Variants in ABLIM1 observed in about 807,000 individuals in gnomAD.
ABLIM1 encodes actin-binding LIM protein 1.
A neutral mutation model predicts 107.0 loss-of-function variants in ABLIM1; 40 were observed. The observed-to-expected ratio is 0.37, with a 90% CI of 0.29 to 0.49. The LOEUF (loss-of-function observed/expected upper bound fraction) is 0.49, where lower values mean the gene tolerates loss of function less well. ABLIM1 is among the 20% of genes least tolerant of loss of function. ABLIM1 has a pLI of 0.97. For missense variants in ABLIM1, 857 were observed against 1,008.5 expected (o/e 0.85, Z 2.04); for synonymous variants, 357 against 357.3 (o/e 1.00, Z 0.01).
At chr10:114,460,645 G>C (rs939457129) in intron 12 of ABLIM1, among the ~76,000 whole-genome samples, 2 of 152,320 alleles carry the variant, frequency 1.3e-5, no homozygotes, top group African/African-American at 4.8e-5. Flanking sequence ...TGCTGACCAA[G>C]GTGGGTGTGC....
the ABLIM1 span, among the ~76,000 whole-genome samples, chr10:114,791,498 C>T: frequency 2.6e-5 from 4 of 151,790 alleles, no homozygotes; most frequent in African/African-American, 2.4e-5. Flanking sequence ...ATTAGACGGG[C>T]GTGGTGGTGG....
upstream of ABLIM1, chr10:114,768,146 G>A (rs1405726628): frequency 1.5e-5 from 5 of 330,246 alleles, no homozygotes; most frequent in South Asian, 4.3e-5. Context: ...AGGCAGCCCC[G>A]GAGCGCCCGC....
chr10:114,662,222 G>T (rs2079824710), upstream of ABLIM1, among the ~76,000 whole-genome samples: 1 of 152,142 alleles, frequency 6.6e-6, no homozygotes, highest in South Asian at 2.1e-4. Context: ...TGATAATGGG[G>T]TTACTTTTCA....
intron 3 of ABLIM1, 47 bp downstream of exon 3, chr10:114,575,369 T>A: frequency 6.3e-7 from 1 of 1,592,582 alleles, no homozygotes. Flanking sequence ...AACCAGCATT[T>A]CTCTGTTGGA....
intron 12 of ABLIM1, 144 bp downstream of exon 12, chr10:114,465,554 G>A: frequency 1.1e-6 from 1 of 937,596 alleles, no homozygotes; most frequent in Middle Eastern, 2.6e-4. Flanking sequence ...ATAAAATATA[G>A]TTGGATACCA....
At position 114,433,300 on chromosome 10, in the gene ABLIM1, G is replaced by C. The variant is rs777224686; in HGVS notation, c.*2960C>G. The C allele has an allele frequency of 5.9e-5, 9 of 152,252 alleles. No homozygotes were observed. The highest frequency in any genetic ancestry group is 1.0e-4 in the Non-Finnish European group (7 of 68,056). The allele number at this position is 152,252 out of a possible 1,614,324, so 9.4% of individuals were successfully genotyped here. ...GGATGGACATTTTGAGGACAAGCAT[G>C]CTGAGCCCAGTTTAACTAAATGTGC... On this transcript the variant is annotated 3_prime_UTR_variant, in exon 23 of 23. Coordinates refer to ENST00000533213, the MANE Select transcript of ABLIM1 (RefSeq NM_002313.7).
intron 20 of ABLIM1, chr10:114,439,710 T>G (rs565694377): frequency 2.8e-6 from 1 of 351,056 alleles, no homozygotes; most frequent in East Asian, 5.9e-5. Context: ...CATCAGTGTC[T>G]TTTCATTTGA....
chr10:114,548,007 G>C (rs567574909), intron 4 of ABLIM1, among the ~76,000 whole-genome samples: 1 of 152,274 alleles, frequency 6.6e-6, no homozygotes, highest in South Asian at 2.1e-4. Flanking sequence ...TGGATCTACG[G>C]GGACGGATGT....
rs189596395 is a variant in ABLIM1 at position 114,439,169 on chromosome 10, C to T, written c.2142+7G>A. On this transcript the variant is annotated splice_region_variant and intron_variant, in intron 21 of 22. Coordinates refer to ENST00000533213, the MANE Select transcript of ABLIM1 (RefSeq NM_002313.7). ...CATATGAGAGGAAAAAGAACAGCTG[C>T]ACTTGCCTTTGGTTCCAACATGTTG... 9 of 1,614,214 alleles carry T rather than the reference C, an allele frequency of 5.6e-6. No homozygotes were observed. The East Asian group carries it at 1.6e-4, about 28-fold the overall frequency.
At chr10:114,450,215 A>AC (rs1245332137) in intron 14 of ABLIM1, 4 of 207,282 alleles carry the variant, frequency 1.9e-5, no homozygotes, top group Non-Finnish European at 4.3e-5. Context: ...AAACCATAAA[A>AC]AAAAAAAAAC....
intron 1 of ABLIM1, among the ~76,000 whole-genome samples, chr10:114,697,191 C>T (rs902639133): frequency 2.0e-5 from 3 of 152,212 alleles, no homozygotes; most frequent in African/African-American, 7.2e-5. Flanking sequence ...GCCTCACTGT[C>T]CACCAACCCA....
At chr10:114,584,933 G>C (rs559700730) in intron 2 of ABLIM1, among the ~76,000 whole-genome samples, 1 of 151,816 alleles carries the variant, frequency 6.6e-6, no homozygotes, top group Non-Finnish European at 1.5e-5. Context: ...GTAGAACTTC[G>C]TGTCCAAACA....
intron 6 of ABLIM1, among the ~76,000 whole-genome samples, chr10:114,503,729 T>C (rs17091953): frequency 0.14 from 21,853 of 152,202 alleles, 1,775 homozygotes; most frequent in Middle Eastern, 0.19. Context: ...AACAGCACTT[T>C]GCCAAATGGA....
rs117393970 is a variant in ABLIM1, at chr10:114,707,628, G to C, written c.-213+60433C>G. On this transcript the variant is annotated intron_variant, in intron 1 of 15. Transcript: ENST00000651092. The surrounding 1 kb of genome is among the most constrained non-coding windows in gnomAD (Gnocchi z 4.1). ...AAAAAACTAATTACCGGCCGGGCAC[G>C]GTGGCTCACACTTATAATCCCAACA... Among the ~76,000 whole-genome samples, 1 of 152,050 alleles carries C rather than the reference G, an allele frequency of 6.6e-6. No individual in the cohort carries two copies. The highest frequency in any genetic ancestry group is 1.5e-5 in the Non-Finnish European group (1 of 68,014).
rs547513245 is a variant in ABLIM1, at chr10:114,441,804, A to G, written c.1934-18T>C. 3.7e-6 allele frequency: 6 copies of G among 1,605,784 alleles called. No individual in the cohort carries two copies. Among genetic ancestry groups the G allele is most frequent in the Non-Finnish European group, 3.4e-6 (4 of 1,172,416 alleles). On this transcript the variant is annotated intron_variant, in intron 17 of 22. Transcript: ENST00000533213. ...ATGTGAAGCTGAGTAAGAAAAAAGT[A>G]AAAAACCAATTGTTAGGAAATCAGA...
intron 6 of ABLIM1, among the ~76,000 whole-genome samples, chr10:114,521,278 T>G (rs1047050585): frequency 1.3e-5 from 2 of 152,234 alleles, no homozygotes; most frequent in East Asian, 3.8e-4. Flanking sequence ...AGTAATCATC[T>G]GTACGCCTTT....
exon 1 of ABLIM1, chr10:114,684,817 A>C: frequency 1.3e-6 from 1 of 763,228 alleles, no homozygotes; most frequent in Non-Finnish European, 1.6e-6. Context: ...AAAAGGATCG[A>C]TTATTCCCCA....
chr10:114,684,736 C>G, exon 1 of ABLIM1: 1 of 1,018,432 alleles, frequency 9.8e-7, no homozygotes, highest in Non-Finnish European at 1.2e-6. Flanking sequence ...TTCCTGCATT[C>G]TGCACAATCC....
Position 114,725,944 on chromosome 10 carries a change from C to T in ABLIM1, c.-213+42117G>A, listed in dbSNP as rs112808839. ...TCTGTTTTTTGTAGAGATGGGGTCTCGCTATTTGGCCTGGGCTGGTCTTGA... is the reference window on the plus strand; with the variant it reads ...TCTGTTTTTTGTAGAGATGGGGTCTTGCTATTTGGCCTGGGCTGGTCTTGA... On this transcript the variant is annotated intron_variant, in intron 1 of 15. Transcript: ENST00000651092. Among the ~76,000 whole-genome samples the T allele has an allele frequency of 1.6e-4, 25 of 151,996 alleles. 1 individual carries two copies. In the Middle Eastern group the frequency reaches 0.014, roughly 83 times the overall value.
Sources: allele counts gnomAD v4.1 joint callset (sites outside exome capture counted in the v4.1 genomes callset), GRCh38; gene constraint gnomAD v4.1.1; non-coding constraint Gnocchi (gnomAD v3.1); transcripts MANE v1.5; gene names NCBI Gene and HGNC (gene_info 2026-07-23, HGNC 2026-07-21).